KLHL24: variants seen among roughly 807,000 people sequenced by gnomAD.
KLHL24 encodes kelch-like protein 24.
In KLHL24, 29 loss-of-function variants were observed where a neutral mutation model predicts 53.4. That is an observed-to-expected ratio of 0.54 (90% CI 0.40 to 0.74). The LOEUF (loss-of-function observed/expected upper bound fraction) is 0.74, where lower values mean the gene tolerates loss of function less well. KLHL24 is among the 30% of genes least tolerant of loss of function. The pLI, the probability that KLHL24 is intolerant of heterozygous loss-of-function variation, is 0.00. For missense variants in KLHL24, 504 were observed against 744.0 expected, an observed-to-expected ratio of 0.68 and a Z score of 3.75; for synonymous variants, 222 against 253.7, an observed-to-expected ratio of 0.88 and a Z score of 1.19.
chr3:183,679,321 C>A lies in KLHL24; in HGVS notation c.*35C>A. The A allele has an allele frequency of 2.0e-6, 3 of 1,535,834 alleles. No individual in the cohort carries two copies. Among genetic ancestry groups the A allele is most frequent in the South Asian group, 1.1e-5 (1 of 89,260 alleles). ...ACCTCACCGAAGAAGCCACACTGAT[C>A]CAAGATGGGAGGTTTTAAAAACTCT... On this transcript the variant is annotated 3_prime_UTR_variant, in exon 8 of 8. Coordinates refer to ENST00000242810, the MANE Select transcript of KLHL24 (RefSeq NM_017644.3).
chr3:183,642,531 A>G (rs1169810436), intron 1 of KLHL24, among the ~76,000 whole-genome samples: 2 of 150,094 alleles, frequency 1.3e-5, no homozygotes, highest in African/African-American at 2.5e-5. Flanking sequence ...GTGTTTAAAT[A>G]CTATTGCTAT....
chr3:183,666,672 A>G (rs1334683798), intron 5 of KLHL24, among the ~76,000 whole-genome samples: 1 of 152,230 alleles, frequency 6.6e-6, no homozygotes, highest in Non-Finnish European at 1.5e-5. Flanking sequence ...TCCTTTGAGC[A>G]TTAATGTCAT....
At chr3:183,640,941 T>A (rs2108761715) in intron 1 of KLHL24, among the ~76,000 whole-genome samples, 1 of 152,196 alleles carries the variant, frequency 6.6e-6, no homozygotes, top group South Asian at 2.1e-4. Flanking sequence ...GTCTTGGTGG[T>A]TCCATTAAGA....
At chr3:183,642,046 T>A (rs1716527047) in intron 1 of KLHL24, among the ~76,000 whole-genome samples, 1 of 152,216 alleles carries the variant, frequency 6.6e-6, no homozygotes, top group Non-Finnish European at 1.5e-5. Context: ...AGAATTTGAA[T>A]CTATTTTAGT....
At chr3:183,660,745 A>G (rs1326441503) in intron 3 of KLHL24, among the ~76,000 whole-genome samples, 3 of 152,018 alleles carry the variant, frequency 2.0e-5, no homozygotes, top group Non-Finnish European at 4.4e-5. Flanking sequence ...ACACAAATTG[A>G]TACTGTGTCC....
At chr3:183,668,410 T>G (rs1460264607) in intron 5 of KLHL24, among the ~76,000 whole-genome samples, 1 of 152,162 alleles carries the variant, frequency 6.6e-6, no homozygotes, top group Non-Finnish European at 1.5e-5. Flanking sequence ...AAAGGAATCA[T>G]TCCTACCTTA....
At position 183,642,061 on chromosome 3, in the gene KLHL24, A is replaced by G. The variant is rs542558445; in HGVS notation, c.-124-1419A>G. On this transcript the variant is annotated intron_variant, in intron 1 of 7. Transcript: ENST00000242810. ...AGAATTTGAATCTATTTTAGTACCA[A>G]TCTTGGAGTTCTTGTTTGGCTCTAC... is the stretch of plus-strand genomic sequence containing the variant. 2.6e-5 allele frequency among the ~76,000 whole-genome samples: 4 copies of G among 152,272 alleles called. No homozygotes were observed. In the South Asian group the frequency reaches 6.2e-4, roughly 24 times the overall value.
intron 7 of KLHL24, among the ~76,000 whole-genome samples, chr3:183,678,439 T>C (rs937387459): frequency 6.6e-6 from 1 of 152,192 alleles, no homozygotes; most frequent in African/African-American, 2.4e-5. Context: ...TTTGCTTAAC[T>C]ACCATTAAGT....
Position 183,658,212 on chromosome 3 carries a change from C to CA in KLHL24, c.921-5230dup, listed in dbSNP as rs35529680. ...TGGATGACAGAGCGAGACTCTGTCT[C>CA]AAAAAAAAAAAAAAAATTCTTTGCA... On this transcript the variant is annotated intron_variant, in intron 3 of 7. Coordinates refer to ENST00000242810, the MANE Select transcript of KLHL24 (RefSeq NM_017644.3). 1.3e-3 allele frequency among the ~76,000 whole-genome samples: 182 copies of CA among 135,490 alleles called. 2 individuals are homozygous for CA. Among genetic ancestry groups the CA allele is most frequent in the East Asian group, 3.8e-3 (18 of 4,738 alleles). The allele number at this position is 135,490 out of a possible 152,430, so 88.9% of individuals were successfully genotyped here. A position where few individuals can be genotyped will look rare whatever the true frequency, so the allele number is the denominator to read the frequency against.
At chr3:183,648,273 A>G (rs1209849342) in intron 2 of KLHL24, among the ~76,000 whole-genome samples, 2 of 152,126 alleles carry the variant, frequency 1.3e-5, no homozygotes, top group Admixed American at 1.3e-4. Flanking sequence ...AAAGAAGAGA[A>G]TACTATATAT....
intron 3 of KLHL24, among the ~76,000 whole-genome samples, chr3:183,660,842 G>A (rs754948432): frequency 4.0e-5 from 6 of 151,640 alleles, no homozygotes; most frequent in Non-Finnish European, 8.8e-5. Context: ...TGGATCATGA[G>A]GTCAGGAGAT....
intron 5 of KLHL24, among the ~76,000 whole-genome samples, chr3:183,667,428 C>T (rs1172840820): frequency 1.3e-5 from 2 of 152,140 alleles, no homozygotes; most frequent in African/African-American, 4.8e-5. Flanking sequence ...AGCCACTGAG[C>T]GAGCTTTACC....
intron 1 of KLHL24, chr3:183,636,355 G>A (rs551220485): frequency 6.6e-6 from 1 of 152,386 alleles, no homozygotes. Flanking sequence ...CCATTAAAGC[G>A]ATTGCGAAAT....
chr3:183,646,755 T>C (rs911181007), intron 2 of KLHL24, among the ~76,000 whole-genome samples: 1 of 152,162 alleles, frequency 6.6e-6, no homozygotes, highest in Non-Finnish European at 1.5e-5. Flanking sequence ...ATGGGACATA[T>C]TGTCTGTGCT....
In KLHL24 at chr3:183,663,830, C is replaced by T. The variant is rs559158148; in HGVS notation, c.1105+188C>T. 3.9e-5 allele frequency among the ~76,000 whole-genome samples: 6 copies of T among 152,104 alleles called. No homozygotes were observed. Among genetic ancestry groups the T allele is most frequent in the African/African-American group, 1.2e-4 (5 of 41,398 alleles). ...GTACAAGGCCAGGCGCGGTGGCTCA[C>T]GCCTGTAATCCCAGCACTTTGGGAG... is the stretch of plus-strand genomic sequence containing the variant. On this transcript the variant is annotated intron_variant, in intron 4 of 7. Transcript: ENST00000242810. This position sits in a 1 kb window ranked among gnomAD's most constrained non-coding sequence, Gnocchi z 4.9.
chr3:183,663,695 A>G lies in KLHL24; in HGVS notation c.1105+53A>G. 1.0e-6 allele frequency: 1 copy of G among 1,003,006 alleles called. No individual in the cohort carries two copies. The highest frequency in any genetic ancestry group is 1.4e-6 in the Non-Finnish European group (1 of 703,306). The allele number at this position is 1,003,006 out of a possible 1,614,324, so 62.1% of individuals were successfully genotyped here. On this transcript the variant is annotated intron_variant, in intron 4 of 7. Coordinates refer to ENST00000242810, the MANE Select transcript of KLHL24 (RefSeq NM_017644.3). This position sits in a 1 kb window ranked among gnomAD's most constrained non-coding sequence, Gnocchi z 4.9. ...CTTTTAATTTGGACACAGCTTCATT[A>G]TTTTAAACATCAACAGTGTCTTAAA...
rs149597863 is a variant in KLHL24, at chr3:183,661,555, A to G, written c.921-1903A>G. ...TAGGATATTTAATACAGGCAAAACT[A>G]CTAGCTTGCTAATCCTTTCAGATAG... is the stretch of plus-strand genomic sequence containing the variant. On this transcript the variant is annotated intron_variant, in intron 3 of 7. Coordinates refer to ENST00000242810, the MANE Select transcript of KLHL24 (RefSeq NM_017644.3). 1.3e-3 allele frequency among the ~76,000 whole-genome samples: 197 copies of G among 152,356 alleles called. 2 individuals carry two copies. The highest frequency in any genetic ancestry group is 2.2e-3 in the Non-Finnish European group (152 of 68,028).
intron 1 of KLHL24, among the ~76,000 whole-genome samples, chr3:183,640,600 C>CTTTTTTTCTT (rs1385918724): frequency 4.1e-4 from 25 of 61,656 alleles, no homozygotes; most frequent in African/African-American, 1.4e-3. Flanking sequence ...TTTCTTTTTT[C>CTTTTTTTCTT]TTTTTTTTTT....
At chr3:183,673,130 G>A (rs1721581087) in intron 7 of KLHL24, 1 of 152,094 alleles carries the variant, frequency 6.6e-6, no homozygotes, top group African/African-American at 2.4e-5. Flanking sequence ...ACTTGAATCT[G>A]GGAGGCAGAG....
Sources: allele counts gnomAD v4.1 joint callset (sites outside exome capture counted in the v4.1 genomes callset), GRCh38; gene constraint gnomAD v4.1.1; non-coding constraint Gnocchi (gnomAD v3.1); transcripts MANE v1.5; gene names NCBI Gene and HGNC (gene_info 2026-07-23, HGNC 2026-07-21).